The following PRKG2 variants were observed in gnomAD, a reference collection of about 807,000 sequenced individuals.
PRKG2 encodes the protein cGMP-dependent protein kinase 2.
Under a neutral mutation model 97.2 loss-of-function variants are expected in PRKG2, and 33 were observed. The ratio of observed to expected loss-of-function variants is 0.34; its 90% CI spans 0.26 to 0.45. The LOEUF is 0.45. PRKG2 is among the 20% of genes least tolerant of loss of function. The pLI is 1.00. For missense variants in PRKG2, 638 were observed against 900.0 expected (o/e 0.71, Z 3.73); for synonymous variants, 330 against 321.8 (o/e 1.03, Z -0.27).
chr4:81,153,504 T>C, intron 7 of PRKG2, 140 bp downstream of exon 7: 1 of 611,192 alleles, frequency 1.6e-6, no homozygotes, highest in Non-Finnish European at 2.8e-6. Context: ...TCAAACAGAA[T>C]TGCATGGGAC....
At chr4:81,134,949 AC>A (rs1298576262) in intron 14 of PRKG2, among the ~76,000 whole-genome samples, 1 of 152,224 alleles carries the variant, frequency 6.6e-6, no homozygotes, top group Non-Finnish European at 1.5e-5. Flanking sequence ...AGTAGGAGTC[AC>A]AAATATGGTT....
intron 17 of PRKG2, among the ~76,000 whole-genome samples, chr4:81,104,062 A>AC (rs70956092): frequency 3.5e-4 from 53 of 151,848 alleles, no homozygotes; most frequent in African/African-American, 1.3e-3. Context: ...AAACAAACAA[A>AC]AAAACCTAAA....
rs1741316336 is a variant in PRKG2, at chr4:81,089,228, C to A, written c.*480G>T. The A allele has an allele frequency of 6.6e-6, 1 of 152,288 alleles. No individual in the cohort carries two copies. The highest frequency in any genetic ancestry group is 1.5e-5 in the Non-Finnish European group (1 of 68,142). The allele number at this position is 152,288 out of a possible 1,614,324, so 9.4% of individuals were successfully genotyped here. On this transcript the variant is annotated 3_prime_UTR_variant, in exon 19 of 19. Coordinates refer to ENST00000264399, the MANE Select transcript of PRKG2 (RefSeq NM_006259.3). ...GTTCTGTTGGCTACCATGGTTTCTG[C>A]AAACCACCATTTTAAGATACCACCA...
upstream of PRKG2, among the ~76,000 whole-genome samples, chr4:81,217,394 G>T (rs1482224577): frequency 1.3e-5 from 2 of 152,130 alleles, no homozygotes; most frequent in African/African-American, 2.4e-5. Context: ...GGGTCACCCA[G>T]CTAGGAAGAG....
intron 2 of PRKG2, chr4:81,192,354 G>A (rs1208663850): frequency 2.6e-5 from 4 of 152,190 alleles, no homozygotes; most frequent in Non-Finnish European, 5.9e-5. Context: ...CAAGGTGCTA[G>A]TAATGTTTAT....
intron 14 of PRKG2, among the ~76,000 whole-genome samples, chr4:81,118,972 T>G (rs1744820117): frequency 6.6e-6 from 1 of 152,142 alleles, no homozygotes; most frequent in African/African-American, 2.4e-5. Flanking sequence ...TTTTTTTGTG[T>G]TTTTTGTAGA....
upstream of PRKG2, among the ~76,000 whole-genome samples, chr4:81,217,476 C>T (rs1245091495): frequency 6.6e-6 from 1 of 152,166 alleles, no homozygotes; most frequent in Non-Finnish European, 1.5e-5. Context: ...CCATGCTGAA[C>T]AAGGAAACGG....
At chr4:81,177,456 A>G (rs1751030108) in intron 2 of PRKG2, among the ~76,000 whole-genome samples, 2 of 152,200 alleles carry the variant, frequency 1.3e-5, no homozygotes, top group African/African-American at 4.8e-5. Flanking sequence ...CTGTAATCCC[A>G]GCACTTTGGG....
intron 13 of PRKG2, among the ~76,000 whole-genome samples, chr4:81,137,140 C>T (rs1041592089): frequency 6.6e-6 from 1 of 151,312 alleles, no homozygotes; most frequent in South Asian, 2.1e-4. Flanking sequence ...TTATACTAGT[C>T]ATGTAACCTG....
chr4:81,112,117 T>C (rs927347916), intron 14 of PRKG2, among the ~76,000 whole-genome samples: 4 of 152,152 alleles, frequency 2.6e-5, no homozygotes, highest in Admixed American at 2.6e-4. Context: ...CCCTTAGAAA[T>C]TTACCATTTT....
At chr4:81,132,109 G>A (rs1368430000) in intron 14 of PRKG2, among the ~76,000 whole-genome samples, 1 of 151,222 alleles carries the variant, frequency 6.6e-6, no homozygotes, top group Non-Finnish European at 1.5e-5. Context: ...GGGTTTTAAT[G>A]TAAAGGTCTC....
chr4:81,105,538 T>A lies in PRKG2; in HGVS notation c.2063+275A>T, dbSNP rs180994650. ...TTAGCCTAAGGTTTATGGTTTATTT[T>A]GCTCTCTAACAGATAAAGATGATAC... On this transcript the variant is annotated intron_variant, in intron 16 of 18. Coordinates refer to ENST00000264399, the MANE Select transcript of PRKG2 (RefSeq NM_006259.3). Among the ~76,000 whole-genome samples, 90 of 152,312 alleles carry A rather than the reference T, an allele frequency of 5.9e-4. 1 individual carries two copies. Among genetic ancestry groups the A allele is most frequent in the African/African-American group, 1.9e-3 (78 of 41,582 alleles).
chr4:81,154,648 AT>A (rs1748825378), intron 6 of PRKG2, among the ~76,000 whole-genome samples: 1 of 151,788 alleles, frequency 6.6e-6, no homozygotes, highest in African/African-American at 2.4e-5. Context: ...CCAAAAGTAC[AT>A]AAAACCACAA....
At chr4:81,180,155 T>C (rs1169556776) in intron 2 of PRKG2, among the ~76,000 whole-genome samples, 1 of 151,680 alleles carries the variant, frequency 6.6e-6, no homozygotes, top group African/African-American at 2.4e-5. Flanking sequence ...ATTAAATAAA[T>C]AAATAAATGA....
intron 14 of PRKG2, among the ~76,000 whole-genome samples, chr4:81,118,898 A>C (rs1284600867): frequency 6.6e-6 from 1 of 152,076 alleles, no homozygotes; most frequent in Non-Finnish European, 1.5e-5. Context: ...GGTCTCAGGC[A>C]ATCCTCCCAC....
chr4:81,180,303 G>T (rs1751295149), intron 2 of PRKG2, among the ~76,000 whole-genome samples: 1 of 151,866 alleles, frequency 6.6e-6, no homozygotes. Context: ...TACATTGGAG[G>T]TAAATATACC....
intron 14 of PRKG2, among the ~76,000 whole-genome samples, chr4:81,131,355 A>G (rs961755359): frequency 2.7e-5 from 4 of 149,224 alleles, no homozygotes; most frequent in African/African-American, 5.2e-5. Context: ...AGAAATGCAG[A>G]AATCACCTGC....
At chr4:81,195,153 T>G (rs1752878873) in intron 2 of PRKG2, among the ~76,000 whole-genome samples, 1 of 152,196 alleles carries the variant, frequency 6.6e-6, no homozygotes, top group African/African-American at 2.4e-5. Flanking sequence ...TACTGAAGGC[T>G]CATCAATTAA....
chr4:81,120,191 TG>T (rs1448668018), intron 14 of PRKG2, among the ~76,000 whole-genome samples: 3 of 152,214 alleles, frequency 2.0e-5, no homozygotes, highest in Non-Finnish European at 4.4e-5. Context: ...ATGTTCAAAC[TG>T]TGTTCAAATA....
Sources: gnomAD v4.1 joint callset for allele counts (sites outside exome capture counted in the v4.1 genomes callset) on GRCh38, gnomAD v4.1.1 for gene constraint, MANE v1.5 for transcripts, NCBI Gene and HGNC (gene_info 2026-07-23, HGNC 2026-07-21) for gene names.